Variants in SLC25A48 observed in about 807,000 individuals in gnomAD.
The protein encoded by SLC25A48 is CTC-321K16.1.
Under a neutral mutation model 32.2 loss-of-function variants are expected in SLC25A48, and 29 were observed. That is an observed-to-expected ratio of 0.90 (90% CI 0.67 to 1.23). SLC25A48 has a LOEUF of 1.23. Ranked by LOEUF, SLC25A48 falls within the 50% of genes most tolerant of loss-of-function variation. The pLI is 0.00. For synonymous variants in SLC25A48, 164 were observed against 172.3 expected, an observed-to-expected ratio of 0.95 and a Z score of 0.38; for missense variants, 399 against 422.7, an observed-to-expected ratio of 0.94 and a Z score of 0.49.
chr5:135,795,501 A>G (rs10053928), intron 3 of SLC25A48, among the ~76,000 whole-genome samples: 99,436 of 151,620 alleles, frequency 0.66, 34,583 homozygotes, highest in Non-Finnish European at 0.78. Flanking sequence ...CTGTCATATT[A>G]TTCCCAATAT....
intron 6 of SLC25A48, chr5:135,876,313 A>G (rs1305568166): frequency 6.6e-6 from 1 of 151,822 alleles, no homozygotes; most frequent in Admixed American, 6.6e-5. Context: ...GGCAAAATAT[A>G]TTGCTGATAT....
intron 1 of SLC25A48, among the ~76,000 whole-genome samples, chr5:135,624,010 G>C (rs372021265): frequency 6.6e-6 from 1 of 152,198 alleles, no homozygotes; most frequent in South Asian, 2.1e-4. Flanking sequence ...TGCTTCTCTT[G>C]TCAGTAGGAG....
intron 3 of SLC25A48, among the ~76,000 whole-genome samples, chr5:135,709,839 G>A (rs1754610604): frequency 6.6e-6 from 1 of 152,166 alleles, no homozygotes; most frequent in Non-Finnish European, 1.5e-5. Flanking sequence ...CATGTTGACT[G>A]CTTTATTACT....
intron 1 of SLC25A48, among the ~76,000 whole-genome samples, chr5:135,598,642 TATATAA>T (rs1195730559): frequency 6.6e-6 from 1 of 152,224 alleles, no homozygotes; most frequent in Non-Finnish European, 1.5e-5. Context: ...GTCGGCTAAG[TATATAA>T]ATATATTCAA....
At chr5:135,757,882 A>G (rs897955838) in intron 3 of SLC25A48, among the ~76,000 whole-genome samples, 6 of 150,472 alleles carry the variant, frequency 4.0e-5, no homozygotes, top group Non-Finnish European at 8.9e-5. Context: ...AATATTATCT[A>G]GATGATATAT....
At chr5:135,857,448 T>A (rs909515018) in intron 4 of SLC25A48, among the ~76,000 whole-genome samples, 15 of 152,194 alleles carry the variant, frequency 9.9e-5, no homozygotes, top group Admixed American at 7.2e-4. Flanking sequence ...AGACACCACA[T>A]AAGGTACTGT....
chr5:135,766,646 G>A (rs1396483558), intron 3 of SLC25A48, among the ~76,000 whole-genome samples: 1 of 143,250 alleles, frequency 7.0e-6, no homozygotes, highest in Non-Finnish European at 1.5e-5. Flanking sequence ...ATATCCATGG[G>A]GGAGAGGGTG....
chr5:135,662,565 G>T (rs1242633930), intron 3 of SLC25A48, among the ~76,000 whole-genome samples: 3 of 152,124 alleles, frequency 2.0e-5, no homozygotes, highest in African/African-American at 7.2e-5. Context: ...TACAGCCAAT[G>T]GGGAGACCCC....
At chr5:135,690,666 C>CT (rs1754123096) in intron 3 of SLC25A48, among the ~76,000 whole-genome samples, 2 of 150,514 alleles carry the variant, frequency 1.3e-5, no homozygotes, top group Admixed American at 6.6e-5. Context: ...AGGCCACCCG[C>CT]CCCTCCCCAT....
intron 1 of SLC25A48, among the ~76,000 whole-genome samples, chr5:135,584,692 C>T (rs1160635422): frequency 5.3e-5 from 8 of 152,180 alleles, no homozygotes; most frequent in Non-Finnish European, 1.0e-4. Context: ...CAAAGCTAGT[C>T]CTTGTTAAAA....
intron 3 of SLC25A48, among the ~76,000 whole-genome samples, chr5:135,700,236 G>A (rs945386561): frequency 2.6e-5 from 4 of 151,822 alleles, no homozygotes; most frequent in African/African-American, 9.7e-5. Flanking sequence ...GCCGGGTCTG[G>A]TGGCGTGTGC....
intron 3 of SLC25A48, among the ~76,000 whole-genome samples, chr5:135,750,609 C>T (rs778798741): frequency 1.3e-5 from 2 of 152,150 alleles, no homozygotes; most frequent in East Asian, 1.9e-4. Context: ...GGTGGCATAC[C>T]TATACAGGGA....
chr5:135,587,083 T>G (rs898004874), intron 1 of SLC25A48, among the ~76,000 whole-genome samples: 9 of 152,244 alleles, frequency 5.9e-5, no homozygotes, highest in Middle Eastern at 3.4e-3. Flanking sequence ...CAGGTTGGAG[T>G]GCAGTGGTGT....
At chr5:135,788,775 G>C (rs992081754) in intron 3 of SLC25A48, among the ~76,000 whole-genome samples, 38 of 150,968 alleles carry the variant, frequency 2.5e-4, no homozygotes, top group African/African-American at 8.8e-4. Context: ...CGTGGGTTGG[G>C]GAGAGGGTAA....
At chr5:135,758,782 A>G (rs1479316099) in intron 3 of SLC25A48, among the ~76,000 whole-genome samples, 2 of 150,772 alleles carry the variant, frequency 1.3e-5, no homozygotes, top group African/African-American at 2.4e-5. Flanking sequence ...TGACGTTAAT[A>G]TATCATCTGT....
chr5:135,607,604 G>A (rs758281226), intron 1 of SLC25A48, among the ~76,000 whole-genome samples: 77 of 152,174 alleles, frequency 5.1e-4, no homozygotes, highest in Non-Finnish European at 9.7e-4. Flanking sequence ...ATTGCCTTTA[G>A]AAGAAGAGCA....
chr5:135,636,253 G>C (rs1011448910), intron 3 of SLC25A48, among the ~76,000 whole-genome samples: 1 of 152,106 alleles, frequency 6.6e-6, no homozygotes, highest in African/African-American at 2.4e-5. Flanking sequence ...GGACACTGTG[G>C]GGAAACAGTG....
At chr5:135,611,331 G>A (rs982027803) in intron 1 of SLC25A48, among the ~76,000 whole-genome samples, 3 of 151,402 alleles carry the variant, frequency 2.0e-5, no homozygotes, top group South Asian at 2.1e-4. Flanking sequence ...CCAACATGGC[G>A]AAACCTTGTT....
intron 6 of SLC25A48, among the ~76,000 whole-genome samples, chr5:135,878,880 T>A (rs1277209880): frequency 6.6e-6 from 1 of 152,012 alleles, no homozygotes; most frequent in Non-Finnish European, 1.5e-5. Context: ...CTCCCCACAA[T>A]CCCCCTCTCC....
Sources: gnomAD v4.1 joint callset for allele counts (sites outside exome capture counted in the v4.1 genomes callset) on GRCh38, gnomAD v4.1.1 for gene constraint, MANE v1.5 for transcripts, NCBI Gene and HGNC (gene_info 2026-07-23, HGNC 2026-07-21) for gene names.